The following DMRT1 variants were observed in gnomAD, a reference collection of about 807,000 sequenced individuals.
The protein encoded by DMRT1 is doublesex and mab-3 related transcription factor 1, also known as doublesex- and mab-3-related transcription factor 1.
A neutral mutation model predicts 32.3 loss-of-function variants in DMRT1; 7 were observed. That is an observed-to-expected ratio of 0.22 (90% CI 0.12 to 0.41). The LOEUF (loss-of-function observed/expected upper bound fraction) is 0.41, where lower values mean the gene tolerates loss of function less well. Ranked by LOEUF, DMRT1 falls within the 10% of genes least tolerant of loss-of-function variation. DMRT1 has a pLI of 1.00. For synonymous variants in DMRT1, 278 were observed against 206.1 expected (o/e 1.35, Z -2.99); for missense variants, 625 against 500.5 (o/e 1.25, Z -2.37).
chr9:894,422 G>A (rs531148485), intron 3 of DMRT1: 5 of 591,098 alleles, frequency 8.5e-6, no homozygotes, highest in Non-Finnish European at 1.5e-5. Context: ...ATGCCCTTTA[G>A]CCTCAAAGGT....
At chr9:881,965 C>A (rs558841454) in intron 2 of DMRT1, among the ~76,000 whole-genome samples, 1 of 152,342 alleles carries the variant, frequency 6.6e-6, no homozygotes, top group South Asian at 2.1e-4. Context: ...TCTGTCTTGG[C>A]CGTGAGACAG....
At chr9:856,393 T>C (rs1340038403) in intron 2 of DMRT1, among the ~76,000 whole-genome samples, 3 of 152,142 alleles carry the variant, frequency 2.0e-5, no homozygotes, top group South Asian at 2.1e-4. Context: ...TCACTCCCCA[T>C]GTACTCTTCG....
chr9:962,077 T>C (rs1564279235), intron 4 of DMRT1, among the ~76,000 whole-genome samples: 2 of 152,324 alleles, frequency 1.3e-5, no homozygotes, highest in Middle Eastern at 3.4e-3. Flanking sequence ...AGCCCCACGA[T>C]GATTAGGTGT....
chr9:946,503 T>TA (rs751089082), intron 4 of DMRT1, among the ~76,000 whole-genome samples: 4 of 152,146 alleles, frequency 2.6e-5, no homozygotes, highest in Admixed American at 6.5e-5. Flanking sequence ...GCAAGAAAAG[T>TA]ACAAGAGTGG....
chr9:877,036 C>CTCAGAAGAGGCTGCCTCAG (rs1564216588), intron 2 of DMRT1, among the ~76,000 whole-genome samples: 6 of 152,116 alleles, frequency 3.9e-5, no homozygotes, highest in African/African-American at 1.2e-4. Context: ...CTCAGACTTG[C>CTCAGAAGAGGCTGCCTCAG]CACTTGAACC....
At chr9:877,448 C>T (rs1816551310) in intron 2 of DMRT1, among the ~76,000 whole-genome samples, 1 of 152,188 alleles carries the variant, frequency 6.6e-6, no homozygotes, top group Non-Finnish European at 1.5e-5. Context: ...ACCCTGTTTG[C>T]ACCTTTTCTT....
At chr9:917,538 C>G (rs976899079) in intron 4 of DMRT1, among the ~76,000 whole-genome samples, 2 of 152,138 alleles carry the variant, frequency 1.3e-5, no homozygotes, top group Non-Finnish European at 2.9e-5. Context: ...GTTTCCAGAT[C>G]CCGTGTTTAA....
At chr9:864,599 T>C (rs375319844) in intron 2 of DMRT1, among the ~76,000 whole-genome samples, 43 of 151,138 alleles carry the variant, frequency 2.8e-4, no homozygotes, top group South Asian at 1.7e-3. Context: ...CCCAGGCTCA[T>C]GCCATTCTCC....
intron 2 of DMRT1, among the ~76,000 whole-genome samples, chr9:862,285 CG>C (rs1815746864): frequency 6.6e-6 from 1 of 152,160 alleles, no homozygotes; most frequent in Non-Finnish European, 1.5e-5. Context: ...AGACCACTCG[CG>C]GTCAGGAGCT....
intron 3 of DMRT1, among the ~76,000 whole-genome samples, chr9:907,829 A>ATATGTG (rs1554754867): frequency 1.3e-5 from 2 of 149,544 alleles, no homozygotes; most frequent in African/African-American, 4.9e-5. Flanking sequence ...TAAAATATAT[A>ATATGTG]TGTGTGTGTG....
intron 2 of DMRT1, among the ~76,000 whole-genome samples, chr9:886,506 G>T (rs975347254): frequency 6.6e-6 from 1 of 151,916 alleles, no homozygotes; most frequent in Non-Finnish European, 1.5e-5. Flanking sequence ...TCCACCCGCC[G>T]CAGCCTCCCA....
Position 847,828 on chromosome 9 carries a change from C to A in DMRT1, c.538+685C>A, listed in dbSNP as rs552418048. On this transcript the variant is annotated intron_variant, in intron 2 of 4. Transcript: ENST00000382276. ...TATCGAAGCCCCTAGCCACATGTGG[C>A]TTTTTAAATTTAAATTCATTACAAT... 5.3e-5 allele frequency among the ~76,000 whole-genome samples: 8 copies of A among 152,268 alleles called. No homozygotes were observed. The South Asian group carries it at 1.2e-3, about 24-fold the overall frequency.
chr9:869,332 C>T (rs1464929778), intron 2 of DMRT1, among the ~76,000 whole-genome samples: 1 of 152,060 alleles, frequency 6.6e-6, no homozygotes, highest in Non-Finnish European at 1.5e-5. Flanking sequence ...TTGGCATGTT[C>T]ATCTACACTT....
intron 2 of DMRT1, among the ~76,000 whole-genome samples, chr9:848,658 A>G (rs1839009379): frequency 6.9e-6 from 1 of 145,226 alleles, no homozygotes; most frequent in African/African-American, 2.6e-5. Flanking sequence ...GGTTCAAATG[A>G]TTCTCCTGTC....
intron 3 of DMRT1, among the ~76,000 whole-genome samples, chr9:900,271 T>G (rs1301370491): frequency 6.6e-6 from 1 of 152,210 alleles, no homozygotes; most frequent in Non-Finnish European, 1.5e-5. Flanking sequence ...TTCTGCCTGC[T>G]GAGGGTGGAA....
intron 2 of DMRT1, among the ~76,000 whole-genome samples, chr9:893,248 T>G (rs755801038): frequency 6.6e-6 from 1 of 152,252 alleles, no homozygotes; most frequent in Non-Finnish European, 1.5e-5. Flanking sequence ...ATAAACACTT[T>G]AATGTCTGTG....
At chr9:966,908 G>T (rs989440362) in intron 4 of DMRT1, among the ~76,000 whole-genome samples, 5 of 152,198 alleles carry the variant, frequency 3.3e-5, no homozygotes, top group Non-Finnish European at 7.3e-5. Flanking sequence ...TTACATCATA[G>T]ATTTCCCTAT....
At chr9:911,718 C>G (rs1817995297) in intron 3 of DMRT1, among the ~76,000 whole-genome samples, 1 of 152,080 alleles carries the variant, frequency 6.6e-6, no homozygotes. Flanking sequence ...TCTTGAACTC[C>G]TGACCTCAGG....
At chr9:932,917 T>G (rs1196837298) in intron 4 of DMRT1, among the ~76,000 whole-genome samples, 1 of 151,640 alleles carries the variant, frequency 6.6e-6, no homozygotes, top group Non-Finnish European at 1.5e-5. Context: ...TTCCAAGCTT[T>G]CTTTTTTTTT....
Sources: allele counts gnomAD v4.1 joint callset (sites outside exome capture counted in the v4.1 genomes callset), GRCh38; gene constraint gnomAD v4.1.1; transcripts MANE v1.5; gene names NCBI Gene and HGNC (gene_info 2026-07-23, HGNC 2026-07-21).